The following ST8SIA4 variants were observed in gnomAD, a reference collection of about 807,000 sequenced individuals.
ST8SIA4 encodes the protein CMP-N-acetylneuraminate-poly-alpha-2,8-sialyltransferase.
Under a neutral mutation model 33.9 loss-of-function variants are expected in ST8SIA4, and 15 were observed. The ratio of observed to expected loss-of-function variants is 0.44; its 90% CI spans 0.30 to 0.68. The LOEUF (loss-of-function observed/expected upper bound fraction) is 0.68, where lower values mean the gene tolerates loss of function less well. Among genes scored for constraint, ST8SIA4 ranks in the 30% least tolerant of loss-of-function variants. The probability of loss-of-function intolerance (pLI) is 0.10; values close to 1 mark genes in which losing one functional copy is unlikely to be tolerated. For missense variants in ST8SIA4, 321 were observed against 428.0 expected (o/e 0.75, Z 2.21); for synonymous variants, 171 against 151.2 (o/e 1.13, Z -0.96).
chr5:100,865,175 G>C (rs998149673), intron 3 of ST8SIA4, among the ~76,000 whole-genome samples: 1 of 152,132 alleles, frequency 6.6e-6, no homozygotes, highest in African/African-American at 2.4e-5. Context: ...GGAAAATGTG[G>C]TTAAACTAGT....
At chr5:100,834,528 T>C (rs1751325897) in intron 4 of ST8SIA4, among the ~76,000 whole-genome samples, 1 of 152,146 alleles carries the variant, frequency 6.6e-6, no homozygotes, top group African/African-American at 2.4e-5. Flanking sequence ...CTTTTTCTCT[T>C]TCTTAAGTTG....
In ST8SIA4 at chr5:100,856,196, T is replaced by G; in HGVS notation, c.704A>C (p.Lys235Thr). Residue 235 changes from lysine (K) to threonine (T), a missense_variant, in exon 4 of 5, where the codon AAG becomes ACG. Lys to Thr is a moderately conservative substitution (Grantham distance 78). Coordinates refer to ENST00000231461, the MANE Select transcript of ST8SIA4 (RefSeq NM_005668.6). Reference protein sequence around the residue: ...IPAFMVKGGEKHVEWVNALIL... With the variant: ...IPAFMVKGGETHVEWVNALIL... ...TAATGCATTAACCCACTCCACGTGC[T>G]TCTCTCCTCCTTTGACCATGAAAGC... The G allele has an allele frequency of 6.2e-7, 1 of 1,614,136 alleles. No homozygotes were observed. The highest frequency in any genetic ancestry group is 8.5e-7 in the Non-Finnish European group (1 of 1,180,002).
At chr5:100,845,730 A>T (rs1375056186) in intron 4 of ST8SIA4, among the ~76,000 whole-genome samples, 2 of 152,002 alleles carry the variant, frequency 1.3e-5, no homozygotes, top group Non-Finnish European at 2.9e-5. Context: ...CAATTAATTT[A>T]TTTCCCCAGC....
chr5:100,897,838 G>T (rs539608973), intron 1 of ST8SIA4, among the ~76,000 whole-genome samples: 1 of 152,268 alleles, frequency 6.6e-6, no homozygotes, highest in Non-Finnish European at 1.5e-5. Context: ...CTTACAGGGA[G>T]CATTTAGGAT....
At chr5:100,842,615 T>C (rs1561391335) in intron 4 of ST8SIA4, among the ~76,000 whole-genome samples, 1 of 151,792 alleles carries the variant, frequency 6.6e-6, no homozygotes, top group Non-Finnish European at 1.5e-5. Context: ...AAACATATAT[T>C]TTGGTATAAG....
chr5:100,834,632 G>A lies in ST8SIA4; in HGVS notation c.797+21471C>T, dbSNP rs114491700. On this transcript the variant is annotated intron_variant, in intron 4 of 4. Coordinates refer to ENST00000231461, the MANE Select transcript of ST8SIA4 (RefSeq NM_005668.6). The stretch of plus-strand genomic sequence containing the variant: ...TGTCAGCCTCAACATTGGATGTGGG[G>A]CCTTGTGAGAGGTGATTGGATCATG... 4.0e-3 allele frequency among the ~76,000 whole-genome samples: 607 copies of A among 152,210 alleles called. 5 individuals carry two copies. Among genetic ancestry groups the A allele is most frequent in the African/African-American group, 0.014 (583 of 41,510 alleles).
intron 4 of ST8SIA4, among the ~76,000 whole-genome samples, chr5:100,827,596 TG>T (rs1398881132): frequency 3.3e-5 from 5 of 152,240 alleles, no homozygotes; most frequent in African/African-American, 1.2e-4. Context: ...CAGTGACAGC[TG>T]CATTGCCACA....
intron 4 of ST8SIA4, among the ~76,000 whole-genome samples, chr5:100,835,170 G>A (rs918703993): frequency 6.6e-5 from 10 of 151,988 alleles, no homozygotes; most frequent in East Asian, 3.9e-4. Context: ...AAAGCTACCC[G>A]TAAGTTCAGA....
intron 3 of ST8SIA4, among the ~76,000 whole-genome samples, chr5:100,862,176 T>C (rs1231628527): frequency 6.6e-6 from 1 of 152,152 alleles, no homozygotes; most frequent in African/African-American, 2.4e-5. Context: ...GCAAATATTT[T>C]AAATATTAGA....
At chr5:100,849,138 C>T (rs989969518) in intron 4 of ST8SIA4, 3 of 980,462 alleles carry the variant, frequency 3.1e-6, no homozygotes, top group South Asian at 4.7e-5. Context: ...AGAATACATT[C>T]CTGAGGATGT....
At position 100,856,372 on chromosome 5, in the gene ST8SIA4, C is replaced by A; in HGVS notation, c.528G>T (p.Glu176Asp). 1 of 1,613,740 alleles carries A rather than the reference C, an allele frequency of 6.2e-7. No homozygotes were observed. Among genetic ancestry groups the A allele is most frequent in the Non-Finnish European group, 8.5e-7 (1 of 1,179,822 alleles). The change falls in exon 4 of 5, where the codon GAG becomes GAT. Residue 176 changes from glutamate to aspartate, a missense_variant. Coordinates refer to ENST00000231461, the MANE Select transcript of ST8SIA4 (RefSeq NM_005668.6). ...VIRCNLAPVV[E>D]FAADVGTKSD... ...ATTTAGTTCCCACATCTGCAGCAAACTCCACCACAGGAGCTAGATTACACC... is the reference window on the plus strand; with the variant it reads ...ATTTAGTTCCCACATCTGCAGCAAAATCCACCACAGGAGCTAGATTACACC...
intron 3 of ST8SIA4, among the ~76,000 whole-genome samples, chr5:100,883,021 T>C (rs920336585): frequency 6.6e-6 from 1 of 152,156 alleles, no homozygotes; most frequent in African/African-American, 2.4e-5. Flanking sequence ...GGGCACCGCC[T>C]AGCGGAGCTG....
chr5:100,823,273 G>T (rs553605498), intron 4 of ST8SIA4, among the ~76,000 whole-genome samples: 3 of 152,322 alleles, frequency 2.0e-5, no homozygotes, highest in East Asian at 3.9e-4. Context: ...ATGTCAGGAA[G>T]TTACCCTGTA....
At chr5:100,897,713 A>G (rs1192936394) in intron 1 of ST8SIA4, among the ~76,000 whole-genome samples, 1 of 152,182 alleles carries the variant, frequency 6.6e-6, no homozygotes, top group Non-Finnish European at 1.5e-5. Flanking sequence ...TCAAAGCATC[A>G]TCATAGGCTG....
intron 1 of ST8SIA4, among the ~76,000 whole-genome samples, chr5:100,897,929 C>A (rs1752815920): frequency 6.6e-6 from 1 of 152,080 alleles, no homozygotes; most frequent in African/African-American, 2.4e-5. Flanking sequence ...ATAATAGCTA[C>A]TTATGAATAA....
At chr5:100,814,640 A>C (rs1162523711) in intron 4 of ST8SIA4, among the ~76,000 whole-genome samples, 1 of 151,926 alleles carries the variant, frequency 6.6e-6, no homozygotes, top group African/African-American at 2.4e-5. Flanking sequence ...ACTTTCTAAA[A>C]ATTTAAAAAC....
intron 4 of ST8SIA4, chr5:100,816,590 G>A (rs757040252): frequency 2.0e-6 from 1 of 501,414 alleles, no homozygotes; most frequent in Non-Finnish European, 4.0e-6. Flanking sequence ...CTCTTAAAAT[G>A]TTATTCTTCT....
At chr5:100,855,504 A>T (rs1474681442) in intron 4 of ST8SIA4, among the ~76,000 whole-genome samples, 1 of 152,212 alleles carries the variant, frequency 6.6e-6, no homozygotes, top group Non-Finnish European at 1.5e-5. Context: ...TGTGTGCATG[A>T]GTGAATTTGG....
intron 4 of ST8SIA4, among the ~76,000 whole-genome samples, chr5:100,839,332 C>A (rs964231895): frequency 2.6e-5 from 4 of 151,900 alleles, no homozygotes; most frequent in African/African-American, 9.7e-5. Flanking sequence ...AATCAATTTG[C>A]CAGAAAAGAT....
Sources: gnomAD v4.1 joint callset for allele counts (sites outside exome capture counted in the v4.1 genomes callset) on GRCh38, gnomAD v4.1.1 for gene constraint, MANE v1.5 for transcripts, NCBI Gene and HGNC (gene_info 2026-07-23, HGNC 2026-07-21) for gene names.